PAPPA2: variants seen among roughly 807,000 people sequenced by gnomAD.
PAPPA2 encodes pappalysin 2.
Under a neutral mutation model 176.4 loss-of-function variants are expected in PAPPA2, and 86 were observed. The observed-to-expected ratio is 0.49, with a 90% CI of 0.41 to 0.58. PAPPA2 has a LOEUF of 0.58. Among genes scored for constraint, PAPPA2 ranks in the 20% least tolerant of loss-of-function variants. The pLI is 0.00. For synonymous variants in PAPPA2, 809 were observed against 852.2 expected (o/e 0.95, Z 0.88); for missense variants, 2,073 against 2,256.9 (o/e 0.92, Z 1.65).
chr1:176,492,025 G>C (rs1335655885), intron 1 of PAPPA2, among the ~76,000 whole-genome samples: 1 of 152,214 alleles, frequency 6.6e-6, no homozygotes, highest in Non-Finnish European at 1.5e-5. Flanking sequence ...GGATGCTCCT[G>C]AACATCAAGC....
chr1:176,770,095 C>T (rs796382254), intron 16 of PAPPA2, among the ~76,000 whole-genome samples: 10 of 152,294 alleles, frequency 6.6e-5, no homozygotes, highest in African/African-American at 2.4e-4. Flanking sequence ...AATCAAGATA[C>T]ACTTTATTGT....
chr1:176,480,502 C>T (rs1373915448), intron 1 of PAPPA2, among the ~76,000 whole-genome samples: 2 of 152,034 alleles, frequency 1.3e-5, no homozygotes, highest in African/African-American at 2.4e-5. Context: ...TTCCACCCCA[C>T]CTTAAGGGAA....
At chr1:176,701,635 G>A (rs1019049003) in intron 8 of PAPPA2, among the ~76,000 whole-genome samples, 5 of 152,188 alleles carry the variant, frequency 3.3e-5, no homozygotes, top group African/African-American at 1.2e-4. Flanking sequence ...TGCATCAGCT[G>A]AGGGAGTGGA....
chr1:176,817,566 C>T (rs925681665), intron 21 of PAPPA2, among the ~76,000 whole-genome samples: 1 of 151,892 alleles, frequency 6.6e-6, no homozygotes, highest in African/African-American at 2.4e-5. Flanking sequence ...ATAGTGACAG[C>T]CCAGACAAGG....
chr1:176,650,063 AATTGGGAGCTCCAGTGT>A (rs1370979594), intron 3 of PAPPA2, among the ~76,000 whole-genome samples: 1 of 151,606 alleles, frequency 6.6e-6, no homozygotes, highest in South Asian at 2.1e-4. Flanking sequence ...TACTTTATAT[AATTGGGAGCTCCAGTGT>A]TTGGTGCATA....
At chr1:176,466,974 G>A (rs559240359) in intron 1 of PAPPA2, among the ~76,000 whole-genome samples, 6 of 152,210 alleles carry the variant, frequency 3.9e-5, no homozygotes, top group Admixed American at 6.5e-5. Flanking sequence ...ACCCTTCTGC[G>A]AAACAGTCAT....
intron 1 of PAPPA2, among the ~76,000 whole-genome samples, chr1:176,499,247 C>G (rs1647819152): frequency 6.6e-6 from 1 of 152,162 alleles, no homozygotes; most frequent in East Asian, 1.9e-4. Flanking sequence ...TCAACTATGT[C>G]TTCTTAAATT....
intron 1 of PAPPA2, among the ~76,000 whole-genome samples, chr1:176,539,425 C>T (rs899559089): frequency 1.3e-5 from 2 of 152,210 alleles, no homozygotes; most frequent in African/African-American, 4.8e-5. Flanking sequence ...GGCCTCTATT[C>T]CTGTTTAGTT....
At chr1:176,755,555 C>T (rs1663375542) in intron 14 of PAPPA2, among the ~76,000 whole-genome samples, 1 of 152,186 alleles carries the variant, frequency 6.6e-6, no homozygotes, top group Non-Finnish European at 1.5e-5. Context: ...TAGTGAATAG[C>T]TTAATTTGTG....
chr1:176,570,710 A>G (rs1441812278), intron 2 of PAPPA2, among the ~76,000 whole-genome samples: 2 of 149,528 alleles, frequency 1.3e-5, no homozygotes, highest in Admixed American at 6.6e-5. Context: ...GGCTGAGGTC[A>G]GGCAGGTGAC....
chr1:176,681,875 T>C (rs1366757594), intron 4 of PAPPA2, among the ~76,000 whole-genome samples: 1 of 151,734 alleles, frequency 6.6e-6, no homozygotes, highest in East Asian at 1.9e-4. Context: ...TCTGGGGAGG[T>C]GAGCGGTCTG....
intron 3 of PAPPA2, among the ~76,000 whole-genome samples, chr1:176,623,971 G>C (rs1186307938): frequency 6.6e-6 from 1 of 151,696 alleles, no homozygotes; most frequent in Non-Finnish European, 1.5e-5. Flanking sequence ...CCCCCAAGTA[G>C]CTGGGGCTAC....
At chr1:176,718,024 A>G (rs116542745) in intron 12 of PAPPA2, among the ~76,000 whole-genome samples, 248 of 152,284 alleles carry the variant, frequency 1.6e-3, no homozygotes, top group African/African-American at 5.7e-3. Context: ...GTGTAAGGTT[A>G]GTGTTAATTT....
At chr1:176,587,970 G>A (rs1302720806) in intron 2 of PAPPA2, among the ~76,000 whole-genome samples, 1 of 152,196 alleles carries the variant, frequency 6.6e-6, no homozygotes, top group Non-Finnish European at 1.5e-5. Flanking sequence ...AATTTGATGG[G>A]AGTAGCATTG....
At chr1:176,646,265 A>T (rs979211141) in intron 3 of PAPPA2, among the ~76,000 whole-genome samples, 1 of 151,162 alleles carries the variant, frequency 6.6e-6, no homozygotes, top group African/African-American at 2.4e-5. Context: ...AAAAATTTTT[A>T]TTTTTAATTT....
chr1:176,602,020 T>C (rs1654353498), intron 3 of PAPPA2, among the ~76,000 whole-genome samples: 1 of 152,336 alleles, frequency 6.6e-6, no homozygotes, highest in Non-Finnish European at 1.5e-5. Context: ...ATTGCTATAA[T>C]GTGGAGAAAA....
At chr1:176,807,822 GT>G (rs1319287283) in intron 21 of PAPPA2, among the ~76,000 whole-genome samples, 1 of 152,124 alleles carries the variant, frequency 6.6e-6, no homozygotes, top group Admixed American at 6.6e-5. Context: ...ACTAGAAAAA[GT>G]TTTAGAACAA....
chr1:176,472,146 TATTTG>T (rs574922472), intron 1 of PAPPA2, among the ~76,000 whole-genome samples: 3 of 152,214 alleles, frequency 2.0e-5, no homozygotes, highest in Admixed American at 6.5e-5. Context: ...CTTCATCTAT[TATTTG>T]ATTTATCAGT....
chr1:176,705,034 T>C (rs1291091056), intron 9 of PAPPA2, among the ~76,000 whole-genome samples: 2 of 152,130 alleles, frequency 1.3e-5, no homozygotes, highest in Non-Finnish European at 2.9e-5. Flanking sequence ...AAAATGAAAA[T>C]ATAAAGTTGC....
Sources: gnomAD v4.1 joint callset for allele counts (sites outside exome capture counted in the v4.1 genomes callset) on GRCh38, gnomAD v4.1.1 for gene constraint, MANE v1.5 for transcripts, NCBI Gene and HGNC (gene_info 2026-07-23, HGNC 2026-07-21) for gene names.